The following USH1C variants were observed in gnomAD, a reference collection of about 807,000 sequenced individuals.
USH1C encodes harmonin.
Under a neutral mutation model 119.3 loss-of-function variants are expected in USH1C, and 90 were observed. The ratio of observed to expected loss-of-function variants is 0.75; its 90% CI spans 0.64 to 0.90. The LOEUF is 0.90. Ranked by LOEUF, USH1C falls within the 40% of genes least tolerant of loss-of-function variation. The pLI is 0.00. For missense variants in USH1C, 1,165 were observed against 1,167.7 expected, an observed-to-expected ratio of 1.00 and a Z score of 0.03; for synonymous variants, 465 against 443.3, an observed-to-expected ratio of 1.05 and a Z score of -0.62.
intron 18 of USH1C, among the ~76,000 whole-genome samples, chr11:17,509,153 C>T (rs570533641): frequency 6.6e-6 from 1 of 152,312 alleles, no homozygotes; most frequent in African/African-American, 2.4e-5. Flanking sequence ...ATTCACCATA[C>T]AATACAGCAC....
chr11:17,495,500 C>A, intron 26 of USH1C, 69 bp downstream of exon 26: 2 of 1,492,802 alleles, frequency 1.3e-6, no homozygotes, highest in Non-Finnish European at 1.9e-6. Context: ...CTGCTGACAG[C>A]GTGGGCAGCA....
At chr11:17,532,954 A>G (rs1199972014) in intron 2 of USH1C, among the ~76,000 whole-genome samples, 1 of 152,200 alleles carries the variant, frequency 6.6e-6, no homozygotes, top group African/African-American at 2.4e-5. Flanking sequence ...TTCTGTCCCA[A>G]CAATCATGCT....
In USH1C at chr11:17,526,293, G is replaced by A. The variant is rs1446416237; in HGVS notation, c.674+54C>T. The A allele has an allele frequency of 4.1e-6, 6 of 1,477,338 alleles. No homozygotes were observed. The African/African-American group carries it at 6.9e-5, about 17-fold the overall frequency. The allele number at this position is 1,477,338 out of a possible 1,614,324, so 91.5% of individuals were successfully genotyped here. A position where few individuals can be genotyped will look rare whatever the true frequency, so the allele number is the denominator to read the frequency against. The stretch of plus-strand genomic sequence containing the variant: ...CAGTGAGGAAGGGGAGGGCAATAGG[G>A]GCCTGCTGGGGTGCACTGGCCACGA... On this transcript the variant is annotated intron_variant, in intron 8 of 26. Coordinates refer to ENST00000005226, the MANE Select transcript of USH1C (RefSeq NM_153676.4).
chr11:17,531,499 T>C lies in USH1C; in HGVS notation c.148A>G (p.Ile50Val), dbSNP rs1257461261. ...AVLVGDLKLV[I>V]NEPSRLPLFD... ...AGAGGCAGACGGCTGGGTTCATTGA[T>C]GACCAGCTTCAGGTCTCCCACGAGC... Residue 50 changes from isoleucine (I) to valine (V), a missense_variant, in exon 3 of 27, where the codon ATC (isoleucine) becomes GTC (valine). Ile to Val is a conservative substitution (Grantham distance 29). Transcript: ENST00000005226. The surrounding 1 kb of genome is among the most constrained non-coding windows in gnomAD (Gnocchi z 4.2). 1 of 1,613,942 alleles carries C rather than the reference T, an allele frequency of 6.2e-7. No homozygotes were observed. The highest frequency in any genetic ancestry group is 1.1e-5 in the South Asian group (1 of 91,066).
At chr11:17,513,747 G>A (rs944983682) in intron 15 of USH1C, among the ~76,000 whole-genome samples, 7 of 152,064 alleles carry the variant, frequency 4.6e-5, no homozygotes, top group Admixed American at 2.0e-4. Context: ...ACTGCCTAAT[G>A]GTAGCTTGCT....
chr11:17,522,703 C>G, intron 12 of USH1C, 81 bp downstream of exon 12: 1 of 1,600,730 alleles, frequency 6.2e-7, no homozygotes, highest in Admixed American at 1.7e-5. Flanking sequence ...GCTGGGGACA[C>G]AGCGGGCAGG....
chr11:17,500,738 T>C (rs1849403642), intron 23 of USH1C, among the ~76,000 whole-genome samples: 1 of 152,130 alleles, frequency 6.6e-6, no homozygotes, highest in South Asian at 2.1e-4. Flanking sequence ...TTCCCTCCAC[T>C]CTGAGTTCCC....
intron 14 of USH1C, among the ~76,000 whole-genome samples, chr11:17,516,906 G>A (rs2240485): frequency 0.72 from 109,080 of 151,984 alleles, 39,195 homozygotes; most frequent in South Asian, 0.79. Context: ...AGGCCAGATA[G>A]CCAGTGCACC....
In USH1C at chr11:17,510,449, T is replaced by C; in HGVS notation, c.1486A>G (p.Thr496Ala). The C allele has an allele frequency of 1.2e-6, 2 of 1,613,106 alleles. No homozygotes were observed. Among genetic ancestry groups the C allele is most frequent in the Non-Finnish European group, 1.7e-6 (2 of 1,179,894 alleles). ...IQYWVERLCQ[T>A]RLEQISSADN... ...GCAGAGGAAATCTGCTCGAGGCGCG[T>C]TTGACAGAGCCTCTCCACCCAATAT... Residue 496 changes from threonine (T) to alanine (A), a missense_variant, in exon 17 of 27, where the codon ACG becomes GCG. Thr to Ala is a moderately conservative substitution (Grantham distance 58). Transcript: ENST00000005226.
In USH1C at chr11:17,544,367, A is replaced by G. The variant is rs371444878; in HGVS notation, c.-60T>C. On this transcript the variant is annotated 5_prime_UTR_variant, in exon 1 of 27. Coordinates refer to ENST00000005226, the MANE Select transcript of USH1C (RefSeq NM_153676.4). ...CCGTTCCTTCGGGTGCCCGGCTGCCAGGAGCTGGAAAGAGCCGCGACCGCG... is the reference window on the plus strand; with the variant it reads ...CCGTTCCTTCGGGTGCCCGGCTGCCGGGAGCTGGAAAGAGCCGCGACCGCG... The G allele has an allele frequency of 3.4e-3, 5,473 of 1,612,334 alleles. 150 individuals are homozygous for G. In the African/African-American group the frequency reaches 0.054, roughly 16 times the overall value.
intron 23 of USH1C, among the ~76,000 whole-genome samples, chr11:17,500,835 G>T (rs886940153): frequency 6.6e-6 from 1 of 152,164 alleles, no homozygotes; most frequent in African/African-American, 2.4e-5. Flanking sequence ...CCCCCTGAGG[G>T]CACGGTGGCA....
intron 20 of USH1C, 182 bp from the exon 21 acceptor site, chr11:17,502,162 T>C (rs1849472922): frequency 1.7e-6 from 1 of 581,204 alleles, no homozygotes; most frequent in Non-Finnish European, 3.1e-6. Flanking sequence ...AGGGCACCCC[T>C]GTTCAGGGAC....
chr11:17,516,154 T>G lies in USH1C; in HGVS notation c.1260+87A>C, dbSNP rs1850133750. On this transcript the variant is annotated intron_variant, in intron 15 of 26. Coordinates refer to ENST00000005226, the MANE Select transcript of USH1C (RefSeq NM_153676.4). ...GAACAGGCCAAGTCACACCATTTAG[T>G]GTTGATAGGACAAGGAATGTTTGGG... The G allele has an allele frequency of 1.5e-5, 21 of 1,424,326 alleles. No individual in the cohort carries two copies. In the South Asian group the frequency reaches 2.4e-4, roughly 16 times the overall value. The allele number at this position is 1,424,326 out of a possible 1,614,324, so 88.2% of individuals were successfully genotyped here. A position where few individuals can be genotyped will look rare whatever the true frequency, so the allele number is the denominator to read the frequency against.
chr11:17,512,490 A>G (rs1433736055), intron 15 of USH1C, among the ~76,000 whole-genome samples: 1 of 152,260 alleles, frequency 6.6e-6, no homozygotes, highest in Non-Finnish European at 1.5e-5. Context: ...AATAAAGGGC[A>G]TTGTGCTGAT....
In USH1C at chr11:17,520,946, C is replaced by A; in HGVS notation, c.1134G>T (p.Trp378Cys). Residue 378 changes from tryptophan (W) to cysteine (C), a missense_variant, in exon 14 of 27, where the codon TGG becomes TGT. By Grantham distance (215) the Trp-to-Cys change is radical (BLOSUM62 -2). Transcript: ENST00000005226. ...EKFKKQWEED[W>C]GSKEQLLLPK... ...GCAAGAGTAGCTGTTCCTTTGAGCC[C>A]CAGTCTTCTTCCCATTGCTTCTTAA... The A allele has an allele frequency of 1.2e-6, 2 of 1,614,072 alleles. No individual in the cohort carries two copies. Among genetic ancestry groups the A allele is most frequent in the Non-Finnish European group, 8.5e-7 (1 of 1,180,002 alleles).
At chr11:17,504,806 T>A in intron 19 of USH1C, 109 bp from the exon 20 acceptor site, 3 of 1,140,644 alleles carry the variant, frequency 2.6e-6, no homozygotes, top group Non-Finnish European at 3.9e-6. Context: ...CGTGCCAATG[T>A]CCCTCCCCGA....
chr11:17,541,623 G>C (rs1353357115), intron 1 of USH1C, among the ~76,000 whole-genome samples: 3 of 152,250 alleles, frequency 2.0e-5, no homozygotes, highest in Non-Finnish European at 4.4e-5. Context: ...CTCTGAGGGA[G>C]AAAACAGTCT....
At chr11:17,509,917 T>A in intron 17 of USH1C, 79 bp from the exon 18 acceptor site, 1 of 1,484,890 alleles carries the variant, frequency 6.7e-7, no homozygotes, top group Middle Eastern at 1.8e-4. Context: ...CACTATGCTC[T>A]TCTAATCTGT....
At chr11:17,526,911 A>G in intron 6 of USH1C, 101 bp from the exon 7 acceptor site, 1 of 1,576,356 alleles carries the variant, frequency 6.3e-7, no homozygotes, top group African/African-American at 1.3e-5. Context: ...TCCAGCCTCC[A>G]CTGGCCCAGA....
Sources: gnomAD v4.1 joint callset for allele counts (sites outside exome capture counted in the v4.1 genomes callset) on GRCh38, gnomAD v4.1.1 for gene constraint, Gnocchi (gnomAD v3.1) non-coding constraint, MANE v1.5 for transcripts, NCBI Gene and HGNC (gene_info 2026-07-23, HGNC 2026-07-21) for gene names.